SAMD12: variants seen among roughly 807,000 people sequenced by gnomAD.
SAMD12 encodes sterile alpha motif domain-containing protein 12.
A neutral mutation model predicts 15.0 loss-of-function variants in SAMD12; 9 were observed. That is an observed-to-expected ratio of 0.60 (90% CI 0.36 to 1.05). The LOEUF is 1.05. SAMD12 is among the 50% of genes least tolerant of loss of function. The probability of loss-of-function intolerance (pLI) is 0.01; values close to 1 mark genes in which losing one functional copy is unlikely to be tolerated. For missense variants in SAMD12, 230 were observed against 234.2 expected, an observed-to-expected ratio of 0.98 and a Z score of 0.12; for synonymous variants, 86 against 90.1, an observed-to-expected ratio of 0.96 and a Z score of 0.25.
intron 2 of SAMD12, among the ~76,000 whole-genome samples, chr8:118,466,412 A>G (rs1228816735): frequency 6.6e-6 from 1 of 152,250 alleles, no homozygotes; most frequent in Non-Finnish European, 1.5e-5. Flanking sequence ...TCATTTTATT[A>G]CACTACATAA....
intron 4 of SAMD12, among the ~76,000 whole-genome samples, chr8:118,310,794 C>G (rs928662668): frequency 3.3e-5 from 5 of 152,126 alleles, no homozygotes; most frequent in African/African-American, 1.2e-4. Flanking sequence ...ATCTAATTCC[C>G]TATATTAACT....
intron 4 of SAMD12, among the ~76,000 whole-genome samples, chr8:118,344,902 C>T (rs1817558301): frequency 6.6e-6 from 1 of 152,192 alleles, no homozygotes; most frequent in African/African-American, 2.4e-5. Context: ...CTAGTAACAT[C>T]ATCACCATTG....
chr8:118,390,472 A>G (rs1820214765), intron 3 of SAMD12, among the ~76,000 whole-genome samples: 1 of 152,150 alleles, frequency 6.6e-6, no homozygotes, highest in South Asian at 2.1e-4. Flanking sequence ...GCCAACCAAG[A>G]CCAAGTCTGA....
the SAMD12 span, among the ~76,000 whole-genome samples, chr8:118,133,592 A>T: frequency 2.0e-5 from 3 of 152,216 alleles, no homozygotes; most frequent in Admixed American, 2.0e-4. Flanking sequence ...AGCTGTTGGT[A>T]CTACTTCCTT....
intron 1 of SAMD12, among the ~76,000 whole-genome samples, chr8:118,598,391 C>T (rs1307000935): frequency 2.0e-5 from 3 of 152,138 alleles, no homozygotes; most frequent in Admixed American, 6.5e-5. Flanking sequence ...TGTGCAAGCA[C>T]AGAACAAAGG....
chr8:118,286,126 T>C (rs1214602955), intron 4 of SAMD12, among the ~76,000 whole-genome samples: 4 of 143,396 alleles, frequency 2.8e-5, no homozygotes, highest in Admixed American at 7.1e-5. Flanking sequence ...ATGAGAACAC[T>C]TGGACACAGG....
At chr8:118,426,495 A>G (rs1009078151) in intron 3 of SAMD12, among the ~76,000 whole-genome samples, 2 of 152,344 alleles carry the variant, frequency 1.3e-5, no homozygotes, top group Non-Finnish European at 2.9e-5. Context: ...CATCCTGCAC[A>G]TAGAAAGCCT....
intron 4 of SAMD12, among the ~76,000 whole-genome samples, chr8:118,292,975 G>A (rs976090305): frequency 1.1e-4 from 16 of 151,810 alleles, no homozygotes; most frequent in Admixed American, 4.6e-4. Context: ...TGGGTGCAGC[G>A]CACCAGCATG....
chr8:118,441,167 T>TA (rs36107531), intron 2 of SAMD12, among the ~76,000 whole-genome samples: 12 of 152,148 alleles, frequency 7.9e-5, no homozygotes, highest in Admixed American at 1.3e-4. Context: ...CTCAGAATCT[T>TA]AAAAAAAGGT....
intron 2 of SAMD12, among the ~76,000 whole-genome samples, chr8:118,535,994 A>C (rs1033109156): frequency 6.6e-6 from 1 of 152,176 alleles, no homozygotes; most frequent in Non-Finnish European, 1.5e-5. Flanking sequence ...AGATGAACCC[A>C]GTACCTCAGT....
intron 2 of SAMD12, among the ~76,000 whole-genome samples, chr8:118,566,940 G>T (rs1354757299): frequency 6.6e-6 from 1 of 152,158 alleles, no homozygotes; most frequent in African/African-American, 2.4e-5. Flanking sequence ...TGTGGTTACA[G>T]GCAGCCAATT....
At chr8:118,256,779 TACACACACACACACACAC>T (rs3052764) in intron 4 of SAMD12, among the ~76,000 whole-genome samples, 29 of 139,886 alleles carry the variant, frequency 2.1e-4, no homozygotes, top group African/African-American at 7.6e-4. Flanking sequence ...CTGCATAAGA[TACACACACACACACACAC>T]ACACACACAC....
Position 118,508,861 on chromosome 8 carries a change from C to G in SAMD12, c.193-68900G>C, listed in dbSNP as rs1824996395. 2.0e-5 allele frequency among the ~76,000 whole-genome samples: 3 copies of G among 152,234 alleles called. No homozygotes were observed. The East Asian group carries it at 5.8e-4, about 29-fold the overall frequency. On this transcript the variant is annotated intron_variant, in intron 2 of 3. Transcript: ENST00000314727. ...TATCCTTTAACTTTGAACATAATTCCAGGCCTAGGCAACACTAAAAATGGA... is the reference window on the plus strand; with the variant it reads ...TATCCTTTAACTTTGAACATAATTCGAGGCCTAGGCAACACTAAAAATGGA...
intron 2 of SAMD12, among the ~76,000 whole-genome samples, chr8:118,462,779 A>G (rs1318253741): frequency 6.6e-6 from 1 of 152,152 alleles, no homozygotes; most frequent in Non-Finnish European, 1.5e-5. Context: ...CCCGTGTGCT[A>G]GGATAAAAAG....
At chr8:118,224,158 G>T (rs2451168) in intron 4 of SAMD12, among the ~76,000 whole-genome samples, 1 of 151,926 alleles carries the variant, frequency 6.6e-6, no homozygotes, top group African/African-American at 2.4e-5. Flanking sequence ...CACACTGAAC[G>T]GGTAAGGTGG....
At chr8:118,252,278 A>G (rs1242555557) in intron 4 of SAMD12, among the ~76,000 whole-genome samples, 1 of 152,178 alleles carries the variant, frequency 6.6e-6, no homozygotes, top group African/African-American at 2.4e-5. Context: ...AATGCAAGGT[A>G]GCTTTTGCTA....
intron 4 of SAMD12, among the ~76,000 whole-genome samples, chr8:118,251,291 C>T (rs1420940887): frequency 6.6e-6 from 1 of 152,082 alleles, no homozygotes. Flanking sequence ...AACCGGGCAG[C>T]TAAGCTTCAG....
intron 4 of SAMD12, among the ~76,000 whole-genome samples, chr8:118,261,987 C>CTA (rs1185904095): frequency 6.6e-6 from 1 of 151,430 alleles, no homozygotes. Context: ...TAATAGAATA[C>CTA]TATTCAGCCT....
chr8:118,230,907 C>T (rs989833715), intron 4 of SAMD12, among the ~76,000 whole-genome samples: 11 of 152,052 alleles, frequency 7.2e-5, no homozygotes, highest in Non-Finnish European at 2.9e-5. Context: ...ATTCCAAGTG[C>T]AATGGAAAGC....
Sources: allele counts gnomAD v4.1 joint callset (sites outside exome capture counted in the v4.1 genomes callset), GRCh38; gene constraint gnomAD v4.1.1; transcripts MANE v1.5; gene names NCBI Gene and HGNC (gene_info 2026-07-23, HGNC 2026-07-21).